Variants in SEMA3A observed in about 807,000 individuals in gnomAD.
SEMA3A encodes the protein semaphorin 3A.
SEMA3A carries 29 observed loss-of-function variants against 97.9 expected under a neutral mutation model. The observed-to-expected ratio is 0.30, with a 90% CI of 0.22 to 0.40. The LOEUF is 0.40. Among genes scored for constraint, SEMA3A ranks in the 10% least tolerant of loss-of-function variants. SEMA3A has a pLI of 1.00. For synonymous variants in SEMA3A, 321 were observed against 323.7 expected, an observed-to-expected ratio of 0.99 and a Z score of 0.09; for missense variants, 763 against 951.3, an observed-to-expected ratio of 0.80 and a Z score of 2.60.
At position 84,486,029 on chromosome 7, in the gene SEMA3A, T is replaced by C. The variant is rs1291774242; in HGVS notation, c.-246+6431A>G. 2.6e-5 allele frequency among the ~76,000 whole-genome samples: 4 copies of C among 152,198 alleles called. No homozygotes were observed. The East Asian group carries it at 7.7e-4, about 29-fold the overall frequency. On this transcript the variant is annotated intron_variant, in intron 1 of 3. Coordinates refer to the SEMA3A transcript ENST00000424555. ...AAATTAGACTCAGAAAAATGTTTAA[T>C]AATTAAATATCATTAAACATATTTT...
intron 1 of SEMA3A, among the ~76,000 whole-genome samples, chr7:84,410,162 G>C (rs1804222421): frequency 6.6e-6 from 1 of 151,982 alleles, no homozygotes; most frequent in African/African-American, 2.4e-5. Flanking sequence ...TTCATCTTAT[G>C]TTATGTAACT....
chr7:84,323,368 T>C (rs1013593137), intron 2 of SEMA3A, among the ~76,000 whole-genome samples: 1 of 152,162 alleles, frequency 6.6e-6, no homozygotes, highest in Non-Finnish European at 1.5e-5. Flanking sequence ...TTAATCTACA[T>C]GTTTTTTGTC....
intron 7 of SEMA3A, among the ~76,000 whole-genome samples, chr7:84,012,551 G>A (rs980142182): frequency 2.0e-5 from 3 of 152,122 alleles, no homozygotes; most frequent in African/African-American, 7.2e-5. Flanking sequence ...ATAAATATAT[G>A]CCTTAAATAC....
intron 5 of SEMA3A, among the ~76,000 whole-genome samples, chr7:84,055,304 T>C (rs2115653844): frequency 6.6e-6 from 1 of 152,256 alleles, no homozygotes; most frequent in Non-Finnish European, 1.5e-5. Flanking sequence ...TCCCCCCGCC[T>C]CGCTGCGGCC....
chr7:84,209,746 C>G lies in SEMA3A; in HGVS notation c.-82-15078G>C, dbSNP rs534419535. On this transcript the variant is annotated intron_variant, in intron 3 of 3. Transcript: ENST00000424555. ...GTTATATAATACTCTGCCATTCAAA[C>G]TATTCAACAATAACTATGATAGCCC... 6.6e-5 allele frequency among the ~76,000 whole-genome samples: 10 copies of G among 152,194 alleles called. 1 individual carries two copies. The South Asian group carries it at 2.1e-3, about 32-fold the overall frequency.
chr7:84,095,240 T>C (rs971330139), intron 4 of SEMA3A, among the ~76,000 whole-genome samples: 1 of 139,888 alleles, frequency 7.1e-6, no homozygotes, highest in African/African-American at 2.5e-5. Context: ...TATATATAAA[T>C]ATATGTTTAT....
At chr7:84,291,063 C>T (rs1407696906) in intron 3 of SEMA3A, among the ~76,000 whole-genome samples, 2 of 151,942 alleles carry the variant, frequency 1.3e-5, no homozygotes, top group Non-Finnish European at 2.9e-5. Flanking sequence ...ACATATTGTT[C>T]CTGCTGGTAT....
chr7:84,241,168 G>C (rs1799354447), intron 3 of SEMA3A, among the ~76,000 whole-genome samples: 1 of 152,112 alleles, frequency 6.6e-6, no homozygotes, highest in Non-Finnish European at 1.5e-5. Flanking sequence ...CTACATCCTT[G>C]AGGAATCACC....
intron 4 of SEMA3A, among the ~76,000 whole-genome samples, chr7:84,081,383 G>C (rs944461083): frequency 6.6e-6 from 1 of 152,050 alleles, no homozygotes; most frequent in Non-Finnish European, 1.5e-5. Flanking sequence ...ACGAGGTCAG[G>C]AGATCAAGAC....
intron 2 of SEMA3A, among the ~76,000 whole-genome samples, chr7:84,368,270 T>G (rs1802898776): frequency 6.6e-6 from 1 of 150,896 alleles, no homozygotes; most frequent in South Asian, 2.1e-4. Flanking sequence ...AAGAACTCAG[T>G]TTTTTTTATG....
At chr7:84,184,197 A>G (rs1797810438) in intron 1 of SEMA3A, among the ~76,000 whole-genome samples, 1 of 152,112 alleles carries the variant, frequency 6.6e-6, no homozygotes, top group African/African-American at 2.4e-5. Context: ...TTTTTTTTAA[A>G]AAAATCATTT....
chr7:84,006,540 T>A (rs1790674422), intron 10 of SEMA3A, among the ~76,000 whole-genome samples: 1 of 151,982 alleles, frequency 6.6e-6, no homozygotes, highest in Non-Finnish European at 1.5e-5. Context: ...ATGTAAACAC[T>A]CCATGTAAGA....
intron 1 of SEMA3A, among the ~76,000 whole-genome samples, chr7:84,140,344 G>A (rs1021954180): frequency 1.3e-5 from 2 of 152,094 alleles, no homozygotes; most frequent in Admixed American, 6.6e-5. Flanking sequence ...CCCAGAACTA[G>A]ACTTTTTATA....
intron 2 of SEMA3A, among the ~76,000 whole-genome samples, chr7:84,371,486 A>C (rs1287398074): frequency 2.0e-5 from 3 of 151,906 alleles, no homozygotes; most frequent in Non-Finnish European, 4.4e-5. Flanking sequence ...TTTAGGTCTT[A>C]ATTGTTCAGA....
chr7:84,436,511 A>C (rs1362965246), intron 1 of SEMA3A, among the ~76,000 whole-genome samples: 4 of 152,180 alleles, frequency 2.6e-5, no homozygotes, highest in African/African-American at 9.6e-5. Flanking sequence ...AGCTAATGCA[A>C]TATGCATAAC....
At chr7:84,303,183 G>C (rs1801065607) in intron 3 of SEMA3A, among the ~76,000 whole-genome samples, 1 of 151,950 alleles carries the variant, frequency 6.6e-6, no homozygotes, top group South Asian at 2.1e-4. Context: ...TTCTCTTTCG[G>C]GGCAAAACCA....
At chr7:84,193,605 G>T (rs926068479) in intron 1 of SEMA3A, among the ~76,000 whole-genome samples, 8 of 151,808 alleles carry the variant, frequency 5.3e-5, no homozygotes, top group African/African-American at 1.7e-4. Flanking sequence ...TATCATTTTG[G>T]GCTCTACTTT....
intron 3 of SEMA3A, among the ~76,000 whole-genome samples, chr7:84,121,513 C>A (rs1264832473): frequency 1.3e-5 from 2 of 151,276 alleles, no homozygotes; most frequent in African/African-American, 4.9e-5. Flanking sequence ...TTTCCAGCTT[C>A]ATCCATGTCC....
chr7:84,115,723 A>G (rs995866), intron 3 of SEMA3A, among the ~76,000 whole-genome samples: 3 of 151,912 alleles, frequency 2.0e-5, no homozygotes, highest in African/African-American at 7.3e-5. Flanking sequence ...GCAGACAATT[A>G]AAAATATTCT....
Sources: allele counts gnomAD v4.1 joint callset (sites outside exome capture counted in the v4.1 genomes callset), GRCh38; gene constraint gnomAD v4.1.1; transcripts MANE v1.5; gene names NCBI Gene and HGNC (gene_info 2026-07-23, HGNC 2026-07-21).